The following KIRREL1 variants were observed in gnomAD, a reference collection of about 807,000 sequenced individuals.
KIRREL1 encodes the protein kin of IRRE-like protein 1.
A neutral mutation model predicts 83.3 loss-of-function variants in KIRREL1; 25 were observed. The ratio of observed to expected loss-of-function variants is 0.30; its 90% CI spans 0.22 to 0.42. The LOEUF is 0.42. Among genes scored for constraint, KIRREL1 ranks in the 10% least tolerant of loss-of-function variants. KIRREL1 has a pLI of 1.00. For missense variants in KIRREL1, 812 were observed against 1,032.3 expected (o/e 0.79, Z 2.92); for synonymous variants, 388 against 410.4 (o/e 0.95, Z 0.66).
intron 1 of KIRREL1, among the ~76,000 whole-genome samples, chr1:158,067,263 ACT>A (rs1264623525): frequency 1.3e-5 from 2 of 151,920 alleles, no homozygotes; most frequent in Non-Finnish European, 2.9e-5. Context: ...GATGTGAGAA[ACT>A]CTGATGGGAG....
In KIRREL1 at chr1:158,007,322, G is replaced by A. The variant is rs200755056; in HGVS notation, c.52+13594G>A. ...GACGTTTCCTCAGAAGGGGTGGAGG[G>A]AAGGGAACCTGGGCCCAGGTGGAAG... On this transcript the variant is annotated intron_variant, in intron 1 of 14. Coordinates refer to ENST00000359209, the MANE Select transcript of KIRREL1 (RefSeq NM_018240.7). Among the ~76,000 whole-genome samples, 3 of 152,290 alleles carry A rather than the reference G, an allele frequency of 2.0e-5. No homozygotes were observed. In the East Asian group the frequency reaches 5.8e-4, roughly 30 times the overall value.
intron 1 of KIRREL1, among the ~76,000 whole-genome samples, chr1:158,057,436 T>C (rs1661096517): frequency 2.0e-5 from 3 of 152,200 alleles, no homozygotes; most frequent in Admixed American, 2.0e-4. Flanking sequence ...AGATAAGTAC[T>C]CCTGTCTTTT....
intron 1 of KIRREL1, among the ~76,000 whole-genome samples, chr1:158,006,246 A>G (rs949879666): frequency 1.3e-5 from 2 of 152,176 alleles, no homozygotes; most frequent in African/African-American, 4.8e-5. Flanking sequence ...CTTTTTCTGA[A>G]GAGAAAGGAA....
intron 3 of KIRREL1, among the ~76,000 whole-genome samples, chr1:158,078,500 G>A (rs905083351): frequency 1.3e-5 from 2 of 152,138 alleles, no homozygotes; most frequent in Non-Finnish European, 2.9e-5. Flanking sequence ...TGGCTGGCAG[G>A]CTTGTTGGTG....
At chr1:158,079,629 T>C (rs1231195790) in intron 3 of KIRREL1, among the ~76,000 whole-genome samples, 1 of 152,230 alleles carries the variant, frequency 6.6e-6, no homozygotes, top group Non-Finnish European at 1.5e-5. Context: ...CCTGTTGTTT[T>C]GTTTTTTGTT....
intron 1 of KIRREL1, among the ~76,000 whole-genome samples, 189 bp from the exon 2 acceptor site, chr1:158,075,924 G>A (rs368317179): frequency 1.3e-5 from 2 of 152,336 alleles, no homozygotes; most frequent in South Asian, 2.1e-4. Context: ...GTCTCAGAGG[G>A]AGGAAGGAAT....
chr1:158,095,012 G>A lies in KIRREL1; in HGVS notation c.2166G>A (p.Glu722=), dbSNP rs781228231. 1.1e-5 allele frequency: 17 copies of A among 1,614,022 alleles called. No homozygotes were observed. In the Admixed American group the frequency reaches 1.2e-4, roughly 11 times the overall value. Residue 722 remains glutamate (E), a synonymous_variant, in exon 15 of 15, where the codon GAG becomes GAA. Transcript: ENST00000359209. ...CTGGCCTGGAGCGGACCCCATATGA[G>A]GCGTATGACCCCATTGGCAAGTACG... ...PPSGLERTPY[E]AYDPIGKYAT... is the part of the protein sequence containing the mutation.
At chr1:158,000,389 G>T (rs1174613278) in intron 1 of KIRREL1, among the ~76,000 whole-genome samples, 6 of 152,046 alleles carry the variant, frequency 3.9e-5, no homozygotes, top group Admixed American at 3.9e-4. Flanking sequence ...TTTTTGCCTT[G>T]CCTTGCATGC....
chr1:158,004,148 A>G (rs1341210758), intron 1 of KIRREL1, among the ~76,000 whole-genome samples: 1 of 152,158 alleles, frequency 6.6e-6, no homozygotes, highest in African/African-American at 2.4e-5. Flanking sequence ...ATAAAATGCA[A>G]ATGATTACGT....
chr1:158,088,057 G>A lies in KIRREL1; in HGVS notation c.819G>A (p.Glu273=), dbSNP rs1395759608. 6.2e-7 allele frequency: 1 copy of A among 1,614,194 alleles called. No individual in the cohort carries two copies. Among genetic ancestry groups the A allele is most frequent in the Non-Finnish European group, 8.5e-7 (1 of 1,180,044 alleles). Residue 273 remains glutamate, a synonymous_variant, in exon 7 of 15, where the codon GAG becomes GAA. Coordinates refer to ENST00000359209, the MANE Select transcript of KIRREL1 (RefSeq NM_018240.7). ...LIEDAHESRY[E]TNVDYSFFTE... is the part of the protein sequence containing the mutation. ...AAGACGCCCACGAGAGTCGCTATGA[G>A]ACAAATGTGGATTATTCCTTTTTCA...
intron 1 of KIRREL1, among the ~76,000 whole-genome samples, chr1:157,999,590 T>C (rs966144734): frequency 2.6e-5 from 4 of 152,154 alleles, no homozygotes; most frequent in Non-Finnish European, 5.9e-5. Flanking sequence ...GCTAGAGACA[T>C]TTCTCTTCAT....
intron 3 of KIRREL1, among the ~76,000 whole-genome samples, chr1:158,080,151 T>C (rs11264905): frequency 0.25 from 38,705 of 152,012 alleles, 5,622 homozygotes; most frequent in East Asian, 0.49. Context: ...GTGAGACTCT[T>C]AGGAAACCTT....
At chr1:158,061,935 G>T (rs1661224118) in intron 1 of KIRREL1, among the ~76,000 whole-genome samples, 1 of 152,162 alleles carries the variant, frequency 6.6e-6, no homozygotes, top group Non-Finnish European at 1.5e-5. Context: ...TGGACAAGTA[G>T]GTTGCTCTCT....
At chr1:158,016,679 C>A (rs1659834684) in intron 1 of KIRREL1, among the ~76,000 whole-genome samples, 2 of 152,198 alleles carry the variant, frequency 1.3e-5, no homozygotes, top group South Asian at 2.1e-4. Flanking sequence ...ACAACCGAAA[C>A]CTTCTGGGTG....
In KIRREL1 at chr1:158,089,487, G is replaced by GCT; in HGVS notation, c.1045-8_1045-7dup. 2.5e-6 allele frequency: 4 copies of GCT among 1,613,914 alleles called. No homozygotes were observed. The highest frequency in any genetic ancestry group is 3.4e-6 in the Non-Finnish European group (4 of 1,179,980). On this transcript the variant is annotated splice_polypyrimidine_tract_variant and intron_variant, in intron 8 of 14. Transcript: ENST00000359209. The stretch of plus-strand genomic sequence containing the variant: ...GCCTCCTGGCTCCCCACCCGAGGCT[G>GCT]CTCTCTCTGCCCAGGTCCTGAGTAA...
chr1:157,996,009 G>A (rs1424118673), intron 1 of KIRREL1, among the ~76,000 whole-genome samples: 1 of 151,028 alleles, frequency 6.6e-6, no homozygotes, highest in Non-Finnish European at 1.5e-5. Flanking sequence ...GGAGCTCTAG[G>A]TCAGGGACTG....
intron 1 of KIRREL1, among the ~76,000 whole-genome samples, chr1:158,050,922 A>G (rs1035697375): frequency 5.9e-5 from 9 of 152,226 alleles, no homozygotes; most frequent in Non-Finnish European, 8.8e-5. Flanking sequence ...CGGTCTCACT[A>G]TCTACACTTT....
chr1:158,093,880 C>T, intron 13 of KIRREL1, 118 bp downstream of exon 13: 1 of 1,040,886 alleles, frequency 9.6e-7, no homozygotes, highest in South Asian at 1.5e-5. Context: ...TTCCCTGGTC[C>T]TGCCACACAC....
chr1:158,011,576 G>A (rs1553236243), intron 1 of KIRREL1, among the ~76,000 whole-genome samples: 1 of 152,214 alleles, frequency 6.6e-6, no homozygotes, highest in Non-Finnish European at 1.5e-5. Context: ...GGGAAGTAGA[G>A]GGTCTTATTG....
Sources: gnomAD v4.1 joint callset for allele counts (sites outside exome capture counted in the v4.1 genomes callset) on GRCh38, gnomAD v4.1.1 for gene constraint, MANE v1.5 for transcripts, NCBI Gene and HGNC (gene_info 2026-07-23, HGNC 2026-07-21) for gene names.